MOB3B: variants seen among roughly 807,000 people sequenced by gnomAD.
MOB3B encodes MOB kinase activator-like 2B.
In MOB3B, 7 loss-of-function variants were observed where a neutral mutation model predicts 18.7. The ratio of observed to expected loss-of-function variants is 0.37; its 90% confidence interval spans 0.21 to 0.70. The LOEUF is 0.70. MOB3B is among the 30% of genes least tolerant of loss of function. MOB3B has a pLI of 0.52. For missense variants in MOB3B, 253 were observed against 281.3 expected, an observed-to-expected ratio of 0.90 and a Z score of 0.72; for synonymous variants, 111 against 99.9, an observed-to-expected ratio of 1.11 and a Z score of -0.66.
chr9:27,429,694 C>T (rs963633299), intron 2 of MOB3B, among the ~76,000 whole-genome samples: 2 of 152,094 alleles, frequency 1.3e-5, no homozygotes, highest in African/African-American at 4.8e-5. Flanking sequence ...GTGGCTGTTG[C>T]ATAGACGGAG....
chr9:27,432,080 A>G (rs1822425566), intron 2 of MOB3B, among the ~76,000 whole-genome samples: 1 of 152,232 alleles, frequency 6.6e-6, no homozygotes, highest in African/African-American at 2.4e-5. Flanking sequence ...AGAAAAATAA[A>G]CCAGAAACTT....
chr9:27,359,868 T>G (rs1821248484), intron 2 of MOB3B, among the ~76,000 whole-genome samples: 2 of 152,306 alleles, frequency 1.3e-5, no homozygotes, highest in South Asian at 4.1e-4. Context: ...AGCAACAAAT[T>G]GCAGGATCGC....
chr9:27,467,158 A>C, intron 1 of MOB3B, among the ~76,000 whole-genome samples: 1 of 152,224 alleles, frequency 6.6e-6, no homozygotes, highest in East Asian at 1.9e-4. Flanking sequence ...TGAGTCAGAC[A>C]TGTAATTGCA....
chr9:27,389,009 C>G (rs187547571), intron 2 of MOB3B, among the ~76,000 whole-genome samples: 1 of 152,342 alleles, frequency 6.6e-6, no homozygotes, highest in East Asian at 1.9e-4. Context: ...ATTCTCCACA[C>G]AATGGTCTGA....
chr9:27,387,387 T>C (rs1470290879), intron 2 of MOB3B, among the ~76,000 whole-genome samples: 1 of 152,196 alleles, frequency 6.6e-6, no homozygotes, highest in African/African-American at 2.4e-5. Context: ...AGAGCCTGGA[T>C]CTGAACCCAG....
At chr9:27,475,707 G>A (rs1159509237) in intron 1 of MOB3B, among the ~76,000 whole-genome samples, 1 of 152,214 alleles carries the variant, frequency 6.6e-6, no homozygotes, top group East Asian at 1.9e-4. Flanking sequence ...TCCTCACCCA[G>A]TGTTCTCATT....
chr9:27,349,137 C>G (rs1041778993), intron 3 of MOB3B, among the ~76,000 whole-genome samples: 1 of 152,204 alleles, frequency 6.6e-6, no homozygotes, highest in African/African-American at 2.4e-5. Context: ...TCTATTAGCA[C>G]CAACATCTTG....
chr9:27,416,838 T>A (rs1822157988), intron 2 of MOB3B, among the ~76,000 whole-genome samples: 1 of 152,158 alleles, frequency 6.6e-6, no homozygotes, highest in Non-Finnish European at 1.5e-5. Flanking sequence ...GGCTAGCTCA[T>A]CTTTCCTTTG....
rs990313981 is a variant in MOB3B, at chr9:27,489,352, C to T, written c.-198-33604G>A. Reference sequence around the variant, plus strand: ...GTCTCTGCAAAGGCTTCTGTCAGACCTTAGACTTATACCCAGCAGCTGCTA... The same window carrying T: ...GTCTCTGCAAAGGCTTCTGTCAGACTTTAGACTTATACCCAGCAGCTGCTA... On this transcript the variant is annotated intron_variant, in intron 1 of 3. Coordinates refer to ENST00000262244, the MANE Select transcript of MOB3B (RefSeq NM_024761.5). Among the ~76,000 whole-genome samples the T allele has an allele frequency of 3.9e-5, 6 of 152,124 alleles. No homozygotes were observed. In the South Asian group the frequency reaches 1.0e-3, roughly 26 times the overall value.
intron 2 of MOB3B, among the ~76,000 whole-genome samples, chr9:27,381,610 A>G (rs542351724): frequency 1.3e-5 from 2 of 152,200 alleles, no homozygotes; most frequent in East Asian, 1.9e-4. Flanking sequence ...TGATTTTGTG[A>G]TGGAATTAAA....
At chr9:27,425,731 G>C (rs995496883) in intron 2 of MOB3B, among the ~76,000 whole-genome samples, 1 of 139,672 alleles carries the variant, frequency 7.2e-6, no homozygotes, top group Non-Finnish European at 1.6e-5. Flanking sequence ...AAGGGGTCAA[G>C]GGTTCAGTGT....
chr9:27,498,762 G>C (rs1418209613), intron 1 of MOB3B, among the ~76,000 whole-genome samples: 5 of 152,226 alleles, frequency 3.3e-5, no homozygotes, highest in African/African-American at 4.8e-5. Context: ...ACTAGCAGCA[G>C]TTGCTATGTA....
At chr9:27,338,966 G>T (rs1317904319) in intron 3 of MOB3B, among the ~76,000 whole-genome samples, 1 of 152,198 alleles carries the variant, frequency 6.6e-6, no homozygotes, top group East Asian at 1.9e-4. Flanking sequence ...GGTGCAGAGT[G>T]AGGGTGAGTC....
chr9:27,358,957 G>A, intron 3 of MOB3B, 77 bp downstream of exon 3: 2 of 1,423,922 alleles, frequency 1.4e-6, no homozygotes, highest in Non-Finnish European at 2.0e-6. Flanking sequence ...GCATTTTCCA[G>A]GGATTGACAA....
At chr9:27,418,091 C>CAAAA (rs57850999) in intron 2 of MOB3B, among the ~76,000 whole-genome samples, 3,504 of 43,896 alleles carry the variant, frequency 0.08, 550 homozygotes, top group South Asian at 0.13. Context: ...GACTCCACCT[C>CAAAA]AAAAAAAAAA....
At chr9:27,370,638 A>G (rs908712672) in intron 2 of MOB3B, among the ~76,000 whole-genome samples, 9 of 152,230 alleles carry the variant, frequency 5.9e-5, no homozygotes, top group African/African-American at 2.2e-4. Flanking sequence ...TGAATCTGTC[A>G]GTGCCTTGAT....
intron 1 of MOB3B, among the ~76,000 whole-genome samples, chr9:27,503,922 G>A (rs1563885049): frequency 2.0e-5 from 3 of 152,252 alleles, no homozygotes; most frequent in South Asian, 2.1e-4. Flanking sequence ...AGGCTGTCCC[G>A]GCTCCAGAGC....
chr9:27,475,593 T>C (rs1819541780), intron 1 of MOB3B, among the ~76,000 whole-genome samples: 1 of 152,218 alleles, frequency 6.6e-6, no homozygotes, highest in Admixed American at 6.5e-5. Flanking sequence ...TCTGTATTGA[T>C]ATGAAAAGAA....
intron 1 of MOB3B, among the ~76,000 whole-genome samples, chr9:27,522,683 G>C (rs964749219): frequency 1.3e-5 from 2 of 151,776 alleles, no homozygotes; most frequent in Admixed American, 6.6e-5. Flanking sequence ...GTCTTTAAGG[G>C]CATCATCATT....
Sources: allele counts gnomAD v4.1 joint callset (sites outside exome capture counted in the v4.1 genomes callset), GRCh38; gene constraint gnomAD v4.1.1; transcripts MANE v1.5; gene names NCBI Gene and HGNC (gene_info 2026-07-23, HGNC 2026-07-21).